The following SPRY3 variants were observed in gnomAD, a reference collection of about 807,000 sequenced individuals.
SPRY3 encodes protein sprouty homolog 3.
In SPRY3, 15 loss-of-function variants were observed where a neutral mutation model predicts 20.2. The ratio of observed to expected loss-of-function variants is 0.74; its 90% CI spans 0.50 to 1.14. SPRY3 has a LOEUF of 1.14. Among genes scored for constraint, SPRY3 ranks in the 50% most tolerant of loss-of-function variants. The pLI is 0.00. For synonymous variants in SPRY3, 143 were observed against 136.5 expected (o/e 1.05, Z -0.33); for missense variants, 364 against 363.9 (o/e 1.00, Z 0.00).
At chrX:155,773,684 T>C (rs2091398614) in intron 3 of SPRY3, 82 bp from the exon 3 acceptor site, 2 of 637,174 alleles carry the variant, frequency 3.1e-6, no homozygotes, top group South Asian at 2.0e-5. Context: ...GTGGTGGTGA[T>C]AGGGCCTGAG....
chrX:155,774,080 A>G (rs765792253), exon 4 of SPRY3: 1 of 1,613,942 alleles, frequency 6.2e-7, no homozygotes, highest in Non-Finnish European at 8.5e-7. Context: ...AGCCAGTGCC[A>G]TCAACTGCAG....
At chrX:155,716,714 T>A (rs2091025245) in intron 2 of SPRY3, among the ~76,000 whole-genome samples, 1 of 151,996 alleles carries the variant, frequency 6.6e-6, no homozygotes, top group South Asian at 2.1e-4. Flanking sequence ...AACTTTTTTT[T>A]AATCCTGGTT....
chrX:155,721,077 A>T (rs1383355911), intron 2 of SPRY3, among the ~76,000 whole-genome samples: 2 of 152,208 alleles, frequency 1.3e-5, no homozygotes, highest in Non-Finnish European at 2.9e-5. Flanking sequence ...TATCAGATAA[A>T]CTTAACACAG....
chrX:155,721,641 T>C (rs1374759125), intron 2 of SPRY3, among the ~76,000 whole-genome samples: 1 of 151,334 alleles, frequency 6.6e-6, no homozygotes, highest in Non-Finnish European at 1.5e-5. Context: ...TAGGAGAGAG[T>C]GGCATGATAT....
intron 1 of SPRY3, among the ~76,000 whole-genome samples, chrX:155,652,232 T>C (rs2067979510): frequency 8.9e-6 from 1 of 112,060 alleles, no homozygotes; most frequent in African/African-American, 3.2e-5. Context: ...ACCATATCAG[T>C]GTTATAAACA....
intron 2 of SPRY3, among the ~76,000 whole-genome samples, chrX:155,733,308 G>T (rs760162768): frequency 6.7e-6 from 1 of 148,848 alleles, no homozygotes; most frequent in Non-Finnish European, 1.5e-5. Context: ...ACACATAGTA[G>T]GTGGGTATGT....
At chrX:155,713,448 C>T (rs1444275050) in intron 2 of SPRY3, among the ~76,000 whole-genome samples, 1 of 152,072 alleles carries the variant, frequency 6.6e-6, no homozygotes, top group Non-Finnish European at 1.5e-5. Flanking sequence ...ATTTCTCCTT[C>T]ATGCTTTAAG....
chrX:155,649,918 G>A (rs1557352218), intron 1 of SPRY3, among the ~76,000 whole-genome samples: 1 of 111,857 alleles, frequency 8.9e-6, no homozygotes, highest in Non-Finnish European at 1.9e-5. Flanking sequence ...AACTTCAGCA[G>A]GCTCAGGATA....
At chrX:155,705,583 A>G (rs1275386705) in intron 2 of SPRY3, among the ~76,000 whole-genome samples, 1 of 151,418 alleles carries the variant, frequency 6.6e-6, no homozygotes, top group Non-Finnish European at 1.5e-5. Flanking sequence ...GGATTTAAAA[A>G]TAATCAAGAC....
chrX:155,673,084 G>T (rs1453135232), intron 2 of SPRY3, among the ~76,000 whole-genome samples: 20 of 45,541 alleles, frequency 4.4e-4, no homozygotes, highest in African/African-American at 1.4e-3. Context: ...GTGAGGGGGA[G>T]GGATAGCATT....
intron 2 of SPRY3, among the ~76,000 whole-genome samples, chrX:155,767,095 C>G: frequency 6.6e-6 from 1 of 152,038 alleles, no homozygotes. Context: ...AATTTTGTTT[C>G]AGTCATTACC....
chrX:155,745,504 G>C (rs1489186301), intron 2 of SPRY3, among the ~76,000 whole-genome samples: 1 of 152,048 alleles, frequency 6.6e-6, no homozygotes, highest in African/African-American at 2.4e-5. Context: ...GCAGCAGGTA[G>C]ATGTTGAGGC....
At chrX:155,682,543 CAG>C (rs1228011372) in intron 2 of SPRY3, among the ~76,000 whole-genome samples, 12 of 111,407 alleles carry the variant, frequency 1.1e-4, no homozygotes, top group Non-Finnish European at 2.1e-4. Context: ...TTTTTTGAGG[CAG>C]AGTCTCACTC....
At chrX:155,767,700 GAAAGAAGAGGAGGAGGAGAA>G (rs1569399860) in intron 2 of SPRY3, 8 of 126,636 alleles carry the variant, frequency 6.3e-5, no homozygotes, top group African/African-American at 2.2e-4. Context: ...AGGAGGAGGA[GAAAGAAGAGGAGGAGGAGAA>G]AGAGGAGGAG....
rs1490912099 is a variant in SPRY3 at position 155,692,080 on chromosome X, TAAAA to T, written c.-282+35058_-282+35061del. Reference sequence around the variant, plus strand: ...CATATTCTTACTCATATTGGGAGCTTAAAAAATGAACTCGTGGAGATAGAGAGTA... The same window carrying T: ...CATATTCTTACTCATATTGGGAGCTTAATGAACTCGTGGAGATAGAGAGTA... On this transcript the variant is annotated intron_variant, in intron 2 of 3. Coordinates refer to ENST00000675360, the Ensembl canonical transcript of SPRY3. Among the ~76,000 whole-genome samples, 3 of 108,749 alleles carry T rather than the reference TAAAA, an allele frequency of 2.8e-5. 1 individual carries two copies. The highest frequency in any genetic ancestry group is 1.0e-4 in the African/African-American group (3 of 29,453). The allele number at this position is 108,749 out of a possible 115,157, so 94.4% of individuals were successfully genotyped here. A position where few individuals can be genotyped will look rare whatever the true frequency, so the allele number is the denominator to read the frequency against.
chrX:155,715,483 ATCT>A (rs1308084365), intron 2 of SPRY3, among the ~76,000 whole-genome samples: 1 of 151,962 alleles, frequency 6.6e-6, no homozygotes, highest in Non-Finnish European at 1.5e-5. Context: ...CTTCCCTCTC[ATCT>A]TCAAATGGAA....
At chrX:155,645,311 G>T (rs1464910788) in intron 1 of SPRY3, among the ~76,000 whole-genome samples, 1 of 112,207 alleles carries the variant, frequency 8.9e-6, no homozygotes, top group East Asian at 2.8e-4. Flanking sequence ...TTTAGCTGCC[G>T]CAGCTGGTAT....
intron 2 of SPRY3, among the ~76,000 whole-genome samples, chrX:155,705,635 A>G (rs1167915635): frequency 6.6e-6 from 1 of 151,362 alleles, no homozygotes; most frequent in Non-Finnish European, 1.5e-5. Flanking sequence ...TTAACTGTAA[A>G]GGTATAGATA....
At chrX:155,630,332 A>G (rs782655320) in intron 1 of SPRY3, among the ~76,000 whole-genome samples, 27 of 111,904 alleles carry the variant, frequency 2.4e-4, no homozygotes, top group Non-Finnish European at 3.2e-4. Context: ...CATACTTTCA[A>G]ATGTTTTCAT....
Sources: allele counts gnomAD v4.1 joint callset (sites outside exome capture counted in the v4.1 genomes callset), GRCh38; gene constraint gnomAD v4.1.1; transcripts MANE v1.5; gene names NCBI Gene and HGNC (gene_info 2026-07-23, HGNC 2026-07-21).